The following VANGL1 variants were observed in gnomAD, a reference collection of about 807,000 sequenced individuals.
VANGL1 encodes VANGL planar cell polarity protein 1, also known as vang-like protein 1.
VANGL1 carries 18 observed loss-of-function variants against 48.4 expected under a neutral mutation model. That is an observed-to-expected ratio of 0.37 (90% CI 0.26 to 0.55). VANGL1 has a LOEUF of 0.55. Among genes scored for constraint, VANGL1 ranks in the 20% least tolerant of loss-of-function variants. The pLI, the probability that VANGL1 is intolerant of heterozygous loss-of-function variation, is 0.81. For missense variants in VANGL1, 667 were observed against 675.8 expected, an observed-to-expected ratio of 0.99 and a Z score of 0.14; for synonymous variants, 257 against 261.8, an observed-to-expected ratio of 0.98 and a Z score of 0.18.
At chr1:115,669,633 C>CTGTAAGATGTGCCA (rs144643550) in intron 4 of VANGL1, among the ~76,000 whole-genome samples, 68 of 151,914 alleles carry the variant, frequency 4.5e-4, no homozygotes, top group African/African-American at 1.6e-3. Context: ...TCTTCGTTGT[C>CTGTAAGATGTGCCA]TGTAAGATGT....
chr1:115,645,289 A>C (rs947756512), intron 1 of VANGL1, among the ~76,000 whole-genome samples: 2 of 152,234 alleles, frequency 1.3e-5, no homozygotes, highest in Non-Finnish European at 2.9e-5. Context: ...AATGTGTATA[A>C]GTTCAGTGAA....
intron 4 of VANGL1, 112 bp from the exon 5 acceptor site, chr1:115,682,252 A>G: frequency 7.7e-6 from 11 of 1,434,262 alleles, no homozygotes; most frequent in Non-Finnish European, 1.0e-5. Flanking sequence ...CTTCTGTATG[A>G]GATTATCTTT....
intron 4 of VANGL1, among the ~76,000 whole-genome samples, chr1:115,679,222 GCT>G (rs1442805755): frequency 6.6e-6 from 1 of 152,232 alleles, no homozygotes; most frequent in East Asian, 1.9e-4. Flanking sequence ...CCCACGGCAG[GCT>G]CTGAGTCATC....
rs1425382634 is a variant in VANGL1, at chr1:115,698,185, T to G, written c.*6806T>G. The G allele has an allele frequency of 6.6e-6, 1 of 152,262 alleles. No individual in the cohort carries two copies. Among genetic ancestry groups the G allele is most frequent in the Non-Finnish European group, 1.5e-5 (1 of 68,040 alleles). The allele number at this position is 152,262 out of a possible 1,614,324, so 9.4% of individuals were successfully genotyped here. On this transcript the variant is annotated 3_prime_UTR_variant, in exon 8 of 8. Coordinates refer to ENST00000355485, the MANE Select transcript of VANGL1 (RefSeq NM_138959.3). ...AAAATGTTTTACACATCACATTTTT[T>G]ATACTGTAAACTTGGAAAATAAACT...
intron 1 of VANGL1, among the ~76,000 whole-genome samples, chr1:115,642,383 C>T (rs1468363944): frequency 6.6e-6 from 1 of 152,068 alleles, no homozygotes; most frequent in Non-Finnish European, 1.5e-5. Flanking sequence ...CCGGGGTTCC[C>T]TGCTCACACC....
chr1:115,653,985 G>T (rs761365467), intron 2 of VANGL1, among the ~76,000 whole-genome samples: 1 of 152,106 alleles, frequency 6.6e-6, no homozygotes, highest in Admixed American at 6.5e-5. Flanking sequence ...GGGGTGAGAG[G>T]CACCATCCCT....
In VANGL1 at chr1:115,693,131, G is replaced by A. The variant is rs2101043296; in HGVS notation, c.*1752G>A. ...AGGGGGAACCCATAGGTGTGGCGTG[G>A]AGCCAAGATGTACTATTCAACTATG... On this transcript the variant is annotated 3_prime_UTR_variant, in exon 8 of 8. Coordinates refer to ENST00000355485, the MANE Select transcript of VANGL1 (RefSeq NM_138959.3). The A allele has an allele frequency of 6.5e-6, 1 of 152,686 alleles. No homozygotes were observed. Among genetic ancestry groups the A allele is most frequent in the Non-Finnish European group, 1.5e-5 (1 of 68,028 alleles). The allele number at this position is 152,686 out of a possible 1,614,324, so 9.5% of individuals were successfully genotyped here.
At chr1:115,656,165 C>T (rs759018023) in intron 2 of VANGL1, among the ~76,000 whole-genome samples, 10 of 152,218 alleles carry the variant, frequency 6.6e-5, no homozygotes, top group South Asian at 2.1e-4. Flanking sequence ...CTCGGTATCC[C>T]TCAGTCATGA....
intron 7 of VANGL1, among the ~76,000 whole-genome samples, chr1:115,689,374 G>A (rs1413095351): frequency 7.3e-6 from 1 of 136,468 alleles, no homozygotes; most frequent in Non-Finnish European, 1.6e-5. Flanking sequence ...GCTCACACCT[G>A]TAATCCCAGC....
Position 115,663,829 on chromosome 1 carries a change from C to G in VANGL1, c.373C>G (p.Leu125Val), listed in dbSNP as rs762374771. 6.2e-7 allele frequency: 1 copy of G among 1,614,202 alleles called. No individual in the cohort carries two copies. The highest frequency in any genetic ancestry group is 8.5e-7 in the Non-Finnish European group (1 of 1,180,040). ...CTCTTTTCTTGGACTTCTAGTTTTCCTCACCCCTATTGCCTTCATCCTTTT... is the reference window on the plus strand; with the variant it reads ...CTCTTTTCTTGGACTTCTAGTTTTCGTCACCCCTATTGCCTTCATCCTTTT... ...VASFLGLLVF[L>V]TPIAFILLPP... Residue 125 changes from leucine to valine, a missense_variant, in exon 4 of 8, where the codon CTC (leucine) becomes GTC (valine). Transcript: ENST00000355485.
intron 3 of VANGL1, among the ~76,000 whole-genome samples, chr1:115,661,692 A>G (rs1652558174): frequency 6.6e-6 from 1 of 151,840 alleles, no homozygotes; most frequent in Non-Finnish European, 1.5e-5. Context: ...ATATCACCTC[A>G]CTGCAGCCTC....
chr1:115,652,346 G>A (rs1265555263), intron 2 of VANGL1, among the ~76,000 whole-genome samples: 1 of 152,194 alleles, frequency 6.6e-6, no homozygotes, highest in Non-Finnish European at 1.5e-5. Flanking sequence ...AAGTAGAAGA[G>A]CAAATGAATG....
intron 5 of VANGL1, 86 bp from the exon 6 acceptor site, chr1:115,683,858 A>G: frequency 6.4e-7 from 1 of 1,554,832 alleles, no homozygotes; most frequent in East Asian, 2.3e-5. Context: ...TGGGTAGACA[A>G]CACTGACAGA....
At chr1:115,667,403 A>G (rs1490827224) in intron 4 of VANGL1, among the ~76,000 whole-genome samples, 2 of 152,234 alleles carry the variant, frequency 1.3e-5, no homozygotes, top group Non-Finnish European at 2.9e-5. Context: ...GTAAGATACC[A>G]TAAATAGATT....
At chr1:115,669,648 T>C (rs75966099) in intron 4 of VANGL1, among the ~76,000 whole-genome samples, 4,736 of 81,090 alleles carry the variant, frequency 0.058, 234 homozygotes, top group African/African-American at 0.15. Flanking sequence ...AGATGTGCCA[T>C]GTAAGATGTG....
At chr1:115,671,727 G>A (rs993954779) in intron 4 of VANGL1, among the ~76,000 whole-genome samples, 3 of 152,158 alleles carry the variant, frequency 2.0e-5, no homozygotes, top group Non-Finnish European at 4.4e-5. Context: ...GCATGGCGAG[G>A]TTTGTGCCGC....
intron 1 of VANGL1, among the ~76,000 whole-genome samples, chr1:115,648,766 C>T (rs1652032394): frequency 6.6e-6 from 1 of 152,184 alleles, no homozygotes; most frequent in Non-Finnish European, 1.5e-5. Context: ...GCTGGATCTG[C>T]CCACATCTGC....
chr1:115,691,190 G>A lies in VANGL1; in HGVS notation c.1386G>A (p.Gln462=). ...QYDKDRWLST[Q]WRLVSDEAVT... is the part of the protein sequence containing the mutation. The stretch of plus-strand genomic sequence containing the variant: ...ACAAGGACCGCTGGCTCTCTACACA[G>A]TGGAGGCTTGTCAGTGATGAGGCTG... Residue 462 remains glutamine, a synonymous_variant, in exon 8 of 8, where the codon CAG becomes CAA. Coordinates refer to ENST00000355485, the MANE Select transcript of VANGL1 (RefSeq NM_138959.3). 1 of 1,614,028 alleles carries A rather than the reference G, an allele frequency of 6.2e-7. No homozygotes were observed. The highest frequency in any genetic ancestry group is 8.5e-7 in the Non-Finnish European group (1 of 1,179,940).
At chr1:115,659,247 G>T (rs1353273519) in intron 2 of VANGL1, among the ~76,000 whole-genome samples, 2 of 151,918 alleles carry the variant, frequency 1.3e-5, no homozygotes, top group Admixed American at 6.6e-5. Flanking sequence ...CTACAGTGTT[G>T]TCCCAATTTT....
Sources: gnomAD v4.1 joint callset for allele counts (sites outside exome capture counted in the v4.1 genomes callset) on GRCh38, gnomAD v4.1.1 for gene constraint, MANE v1.5 for transcripts, NCBI Gene and HGNC (gene_info 2026-07-23, HGNC 2026-07-21) for gene names.